The following SPOCK1 variants were observed in gnomAD, a reference collection of about 807,000 sequenced individuals.
The protein encoded by SPOCK1 is SPARC (osteonectin), cwcv and kazal like domains proteoglycan 1.
In SPOCK1, 23 loss-of-function variants were observed where a neutral mutation model predicts 55.3. The observed-to-expected ratio is 0.42, with a 90% CI of 0.30 to 0.59. The LOEUF (loss-of-function observed/expected upper bound fraction) is 0.59, where lower values mean the gene tolerates loss of function less well. Among genes scored for constraint, SPOCK1 ranks in the 20% least tolerant of loss-of-function variants. SPOCK1 has a pLI of 0.22. For synonymous variants in SPOCK1, 226 were observed against 221.0 expected (o/e 1.02, Z -0.20); for missense variants, 499 against 552.5 (o/e 0.90, Z 0.97).
chr5:137,372,569 G>T (rs576083582), intron 2 of SPOCK1, among the ~76,000 whole-genome samples: 10 of 152,328 alleles, frequency 6.6e-5, no homozygotes, highest in African/African-American at 2.4e-4. Flanking sequence ...ATGTCAGAGG[G>T]TAATTCCAAA....
intron 9 of SPOCK1, among the ~76,000 whole-genome samples, chr5:136,983,080 G>T (rs768016367): frequency 6.6e-6 from 1 of 152,180 alleles, no homozygotes; most frequent in Non-Finnish European, 1.5e-5. Context: ...TCCTCTTTGT[G>T]TAACCTGGGT....
At chr5:137,150,149 A>C (rs140037031) in intron 3 of SPOCK1, among the ~76,000 whole-genome samples, 3 of 152,272 alleles carry the variant, frequency 2.0e-5, no homozygotes, top group African/African-American at 4.8e-5. Flanking sequence ...AGTCTTTCCA[A>C]TCTCAAAATG....
chr5:137,190,072 A>G (rs937524795), intron 3 of SPOCK1, among the ~76,000 whole-genome samples: 4 of 150,636 alleles, frequency 2.7e-5, no homozygotes, highest in Non-Finnish European at 4.4e-5. Flanking sequence ...GAGAAAAGAA[A>G]GTGGTTTATT....
intron 2 of SPOCK1, among the ~76,000 whole-genome samples, chr5:137,386,527 G>A (rs1268827770): frequency 6.6e-6 from 1 of 152,208 alleles, no homozygotes; most frequent in Admixed American, 6.6e-5. Context: ...CCACATAGAT[G>A]TAGTCAACTG....
At chr5:137,484,786 C>A (rs1334357298) in intron 2 of SPOCK1, among the ~76,000 whole-genome samples, 6 of 152,084 alleles carry the variant, frequency 3.9e-5, no homozygotes, top group African/African-American at 7.2e-5. Flanking sequence ...TAGAAACAAC[C>A]AATTGCCTAC....
chr5:137,490,981 C>A (rs1395224801), intron 2 of SPOCK1, among the ~76,000 whole-genome samples: 1 of 152,166 alleles, frequency 6.6e-6, no homozygotes, highest in African/African-American at 2.4e-5. Flanking sequence ...AACTCACACT[C>A]ACAAGCCAGA....
chr5:137,043,494 G>T (rs1042714534), intron 6 of SPOCK1, among the ~76,000 whole-genome samples: 3 of 152,132 alleles, frequency 2.0e-5, no homozygotes, highest in Admixed American at 6.5e-5. Context: ...GGGGTAAAAT[G>T]AGTACCTTTG....
rs548117880 is a variant in SPOCK1 at position 137,398,979 on chromosome 5, T to C, written c.186+99394A>G. Among the ~76,000 whole-genome samples the C allele has an allele frequency of 4.6e-5, 7 of 152,202 alleles. No individual in the cohort carries two copies. In the South Asian group the frequency reaches 1.5e-3, roughly 32 times the overall value. On this transcript the variant is annotated intron_variant, in intron 2 of 10. Coordinates refer to ENST00000394945, the MANE Select transcript of SPOCK1 (RefSeq NM_004598.4). ...CTAGGGAGAACTGAAGAGGGCCAAA[T>C]GAATTGGAGTGAGGAGGACCATCTG...
rs184446209 is a variant in SPOCK1 at position 137,355,295 on chromosome 5, T to A, written c.187-88240A>T. Reference sequence around the variant, plus strand: ...GCAACCTCAAACTCTTGGGCTCAAGTGATCCTCCTGCCTCAGCCTCCAGAG... The same window carrying A: ...GCAACCTCAAACTCTTGGGCTCAAGAGATCCTCCTGCCTCAGCCTCCAGAG... On this transcript the variant is annotated intron_variant, in intron 2 of 10. Transcript: ENST00000394945. Among the ~76,000 whole-genome samples, 50 of 152,286 alleles carry A rather than the reference T, an allele frequency of 3.3e-4. 1 individual carries two copies. Among genetic ancestry groups the A allele is most frequent in the African/African-American group, 1.2e-3 (49 of 41,558 alleles).
chr5:137,276,686 T>C (rs1400319344), intron 2 of SPOCK1, among the ~76,000 whole-genome samples: 2 of 152,148 alleles, frequency 1.3e-5, no homozygotes, highest in Non-Finnish European at 2.9e-5. Flanking sequence ...GACCTGGAGG[T>C]TTCTGAGGAA....
rs556357572 is a variant in SPOCK1 at position 137,280,130 on chromosome 5, C to T, written c.187-13075G>A. On this transcript the variant is annotated intron_variant, in intron 2 of 10. Coordinates refer to ENST00000394945, the MANE Select transcript of SPOCK1 (RefSeq NM_004598.4). ...TCTAGTTTGCAGGGGACTAGAGAAGCGGAAGAGGAACAACCAGGGTTCCTA... is the reference window on the plus strand; with the variant it reads ...TCTAGTTTGCAGGGGACTAGAGAAGTGGAAGAGGAACAACCAGGGTTCCTA... Among the ~76,000 whole-genome samples, 6 of 152,060 alleles carry T rather than the reference C, an allele frequency of 3.9e-5. No homozygotes were observed. The South Asian group carries it at 1.2e-3, about 32-fold the overall frequency.
intron 2 of SPOCK1, among the ~76,000 whole-genome samples, chr5:137,435,616 G>A (rs1462160387): frequency 2.6e-5 from 4 of 152,084 alleles, no homozygotes; most frequent in Non-Finnish European, 4.4e-5. Flanking sequence ...CCTATAAAAT[G>A]TATTTCTTTA....
chr5:137,028,548 G>A (rs1477634410), intron 6 of SPOCK1, among the ~76,000 whole-genome samples: 1 of 152,114 alleles, frequency 6.6e-6, no homozygotes, highest in Non-Finnish European at 1.5e-5. Flanking sequence ...GTTATCCCTG[G>A]GGGTGGGCTT....
Position 137,112,395 on chromosome 5 carries a change from T to G in SPOCK1, c.474+40A>C, listed in dbSNP as rs749997254. The G allele has an allele frequency of 3.1e-6, 5 of 1,604,412 alleles. No individual in the cohort carries two copies. In the East Asian group the frequency reaches 1.1e-4, roughly 36 times the overall value. On this transcript the variant is annotated intron_variant, in intron 5 of 10. Transcript: ENST00000394945. ...AGAGAAGTGTTAGAACAAGCCGACA[T>G]GAAGTATTTTTGATAACATAAAAAG...
chr5:137,471,590 TAACA>T (rs1440448020), intron 2 of SPOCK1, among the ~76,000 whole-genome samples: 1 of 152,222 alleles, frequency 6.6e-6, no homozygotes, highest in Non-Finnish European at 1.5e-5. Flanking sequence ...ATAGTGTGGC[TAACA>T]AACATTGCTG....
At chr5:137,012,089 G>A (rs1751361065) in intron 6 of SPOCK1, among the ~76,000 whole-genome samples, 1 of 152,108 alleles carries the variant, frequency 6.6e-6, no homozygotes. Flanking sequence ...ACTGCTTGTT[G>A]TAGGACAGGC....
chr5:137,400,430 A>C (rs1195868200), intron 2 of SPOCK1, among the ~76,000 whole-genome samples: 1 of 152,186 alleles, frequency 6.6e-6, no homozygotes, highest in East Asian at 1.9e-4. Context: ...AGACCACTGA[A>C]GTCTTCCAGG....
chr5:137,092,360 G>A (rs988661684), intron 5 of SPOCK1, among the ~76,000 whole-genome samples: 7 of 152,226 alleles, frequency 4.6e-5, no homozygotes, highest in Non-Finnish European at 1.5e-5. Context: ...GCGACCGAGG[G>A]GCTGAGATTT....
intron 6 of SPOCK1, among the ~76,000 whole-genome samples, chr5:137,054,917 G>A (rs962775363): frequency 1.3e-5 from 2 of 152,076 alleles, no homozygotes; most frequent in African/African-American, 4.8e-5. Flanking sequence ...TGAGTTTACA[G>A]TGCCAGTACA....
Sources: allele counts gnomAD v4.1 joint callset (sites outside exome capture counted in the v4.1 genomes callset), GRCh38; gene constraint gnomAD v4.1.1; transcripts MANE v1.5; gene names NCBI Gene and HGNC (gene_info 2026-07-23, HGNC 2026-07-21).